Variants in CCDC191 observed in about 807,000 individuals in gnomAD.
CCDC191 encodes the protein coiled-coil domain containing 191.
CCDC191 carries 99 observed loss-of-function variants against 114.0 expected under a neutral mutation model. The observed-to-expected ratio is 0.87, with a 90% CI of 0.74 to 1.03. The LOEUF is 1.03. Ranked by LOEUF, CCDC191 falls within the 50% of genes least tolerant of loss-of-function variation. CCDC191 has a pLI of 0.00. For missense variants in CCDC191, 973 were observed against 1,087.0 expected (o/e 0.90, Z 1.47); for synonymous variants, 351 against 376.0 (o/e 0.93, Z 0.77).
chr3:114,000,970 G>A (rs571974765), intron 13 of CCDC191, among the ~76,000 whole-genome samples: 5 of 151,906 alleles, frequency 3.3e-5, no homozygotes, highest in Non-Finnish European at 5.9e-5. Context: ...ATCTCTTTTC[G>A]TCTATGTAGC....
chr3:113,979,340 T>A (rs1245018609), intron 14 of CCDC191, among the ~76,000 whole-genome samples: 1 of 152,222 alleles, frequency 6.6e-6, no homozygotes, highest in Non-Finnish European at 1.5e-5. Flanking sequence ...CAATTTGCTC[T>A]CCTGGAGCTT....
At chr3:113,989,273 C>T (rs996941843) in intron 13 of CCDC191, among the ~76,000 whole-genome samples, 10 of 152,086 alleles carry the variant, frequency 6.6e-5, no homozygotes, top group East Asian at 3.9e-4. Flanking sequence ...ATATAGATAC[C>T]GTAAGACACA....
At chr3:114,030,444 A>G (rs1287468524) in intron 7 of CCDC191, among the ~76,000 whole-genome samples, 1 of 152,138 alleles carries the variant, frequency 6.6e-6, no homozygotes. Flanking sequence ...AACTGTTATT[A>G]TATAGGAGGA....
At chr3:114,047,889 C>T (rs1216895182) in intron 2 of CCDC191, among the ~76,000 whole-genome samples, 1 of 152,062 alleles carries the variant, frequency 6.6e-6, no homozygotes, top group Non-Finnish European at 1.5e-5. Flanking sequence ...GCATGAGAAT[C>T]ACTTGAACCC....
chr3:114,053,024 C>T (rs2076717809), intron 2 of CCDC191, among the ~76,000 whole-genome samples: 1 of 152,140 alleles, frequency 6.6e-6, no homozygotes, highest in Non-Finnish European at 1.5e-5. Flanking sequence ...ATATCTCAGG[C>T]CTGGAAGAGA....
intron 12 of CCDC191, among the ~76,000 whole-genome samples, chr3:114,002,243 T>G (rs554828487): frequency 6.6e-6 from 1 of 152,182 alleles, no homozygotes; most frequent in Non-Finnish European, 1.5e-5. Context: ...TTTCATAACA[T>G]TTTCTTCCTG....
At chr3:114,017,275 T>C (rs149439942) in intron 8 of CCDC191, among the ~76,000 whole-genome samples, 1 of 152,298 alleles carries the variant, frequency 6.6e-6, no homozygotes, top group Non-Finnish European at 1.5e-5. Context: ...AGGAACATCC[T>C]ATTGACCATG....
At chr3:114,014,149 A>C (rs1320470247) in intron 8 of CCDC191, among the ~76,000 whole-genome samples, 1 of 152,198 alleles carries the variant, frequency 6.6e-6, no homozygotes, top group Non-Finnish European at 1.5e-5. Context: ...GCAGAACATA[A>C]AAAAGCAGTG....
At chr3:113,973,607 TTC>T (rs1553739123) in intron 16 of CCDC191, among the ~76,000 whole-genome samples, 4 of 151,890 alleles carry the variant, frequency 2.6e-5, no homozygotes, top group South Asian at 2.1e-4. Context: ...TTTTTTTTTT[TTC>T]TTTTTTCTTT....
Position 114,035,002 on chromosome 3 carries a change from CTCT to C in CCDC191, c.738_740del (p.Glu248del). 3 of 1,614,084 alleles carry C rather than the reference CTCT, an allele frequency of 1.9e-6. No individual in the cohort carries two copies. Among genetic ancestry groups the C allele is most frequent in the Non-Finnish European group, 2.5e-6 (3 of 1,180,004 alleles). ...GCTTCACCATCTCCCTTTGAATCTC[CTCT>C]TCCTCTTTCTTGGCCTCCAGAGCCT... On this transcript the variant is annotated inframe_deletion, in exon 6 of 17. Transcript: ENST00000295878.
intron 15 of CCDC191, 117 bp downstream of exon 15, chr3:113,978,741 C>A: frequency 9.4e-7 from 1 of 1,059,552 alleles, no homozygotes; most frequent in South Asian, 1.6e-5. Flanking sequence ...ATGGGATTGA[C>A]TACTCTTTTG....
intron 9 of CCDC191, 118 bp downstream of exon 9, chr3:114,010,654 T>C: frequency 1.1e-6 from 1 of 909,782 alleles, no homozygotes; most frequent in East Asian, 2.4e-5. Context: ...GGTAGTGCAT[T>C]GAGGCAGCTC....
chr3:113,973,594 A>AG (rs1577316440), intron 16 of CCDC191, among the ~76,000 whole-genome samples: 3 of 128,014 alleles, frequency 2.3e-5, no homozygotes, highest in East Asian at 2.2e-4. Context: ...CTTGGATGGC[A>AG]GGTTTTTTTT....
intron 4 of CCDC191, among the ~76,000 whole-genome samples, chr3:114,038,486 G>A (rs1021963315): frequency 6.6e-6 from 1 of 152,138 alleles, no homozygotes; most frequent in African/African-American, 2.4e-5. Context: ...AGTATAGCAC[G>A]TGTACCACAT....
intron 16 of CCDC191, among the ~76,000 whole-genome samples, chr3:113,971,014 G>A (rs1940761679): frequency 6.6e-6 from 1 of 152,102 alleles, no homozygotes; most frequent in Non-Finnish European, 1.5e-5. Flanking sequence ...TGTGAATAGT[G>A]CCGCAATAAA....
chr3:113,981,402 G>A (rs1425170508), intron 13 of CCDC191, among the ~76,000 whole-genome samples: 1 of 151,996 alleles, frequency 6.6e-6, no homozygotes, highest in Non-Finnish European at 1.5e-5. Context: ...CAAGAAAGAT[G>A]ACAAAAACTT....
chr3:114,045,799 C>T (rs572500722), intron 3 of CCDC191, among the ~76,000 whole-genome samples: 1 of 152,182 alleles, frequency 6.6e-6, no homozygotes, highest in Admixed American at 6.5e-5. Flanking sequence ...CATTGTTCAA[C>T]TGACTCCTTG....
chr3:113,981,815 CTGAAAAA>C (rs2075162024), intron 13 of CCDC191, among the ~76,000 whole-genome samples: 1 of 152,112 alleles, frequency 6.6e-6, no homozygotes, highest in Non-Finnish European at 1.5e-5. Flanking sequence ...TGTGAAAGCT[CTGAAAAA>C]TGAAATGTCC....
At chr3:114,054,460 G>A (rs756758292) in intron 1 of CCDC191, among the ~76,000 whole-genome samples, 6 of 151,950 alleles carry the variant, frequency 3.9e-5, no homozygotes, top group Admixed American at 1.3e-4. Context: ...GTGAAACCCC[G>A]TCTCTACTAA....
Sources: allele counts gnomAD v4.1 joint callset (sites outside exome capture counted in the v4.1 genomes callset), GRCh38; gene constraint gnomAD v4.1.1; transcripts MANE v1.5; gene names NCBI Gene and HGNC (gene_info 2026-07-23, HGNC 2026-07-21).